Variants in TET1 observed in about 807,000 individuals in gnomAD.
TET1 encodes methylcytosine dioxygenase TET1.
TET1 carries 13 observed loss-of-function variants against 148.7 expected under a neutral mutation model. The observed-to-expected ratio is 0.09, with a 90% CI of 0.06 to 0.14. TET1 has a LOEUF of 0.14. TET1 is among the 10% of genes least tolerant of loss of function. The pLI, the probability that TET1 is intolerant of heterozygous loss-of-function variation, is 1.00. For synonymous variants in TET1, 907 were observed against 937.2 expected, an observed-to-expected ratio of 0.97 and a Z score of 0.59; for missense variants, 2,182 against 2,553.8, an observed-to-expected ratio of 0.85 and a Z score of 3.14.
At chr10:68,574,281 C>G (rs2053704214) in intron 2 of TET1, 29 bp downstream of exon 2, 2 of 1,572,528 alleles carry the variant, frequency 1.3e-6, no homozygotes, top group Non-Finnish European at 1.7e-6. Flanking sequence ...GGCTGGGAGA[C>G]AGCTGACACT....
At chr10:68,641,519 A>AT (rs1422685139) in intron 3 of TET1, among the ~76,000 whole-genome samples, 15 of 136,768 alleles carry the variant, frequency 1.1e-4, no homozygotes, top group East Asian at 2.2e-4. Flanking sequence ...TTATTTGTTT[A>AT]TTTTTTTTTA....
intron 6 of TET1, 41 bp downstream of exon 6, chr10:68,652,635 T>C: frequency 7.5e-7 from 1 of 1,334,682 alleles, no homozygotes; most frequent in South Asian, 1.2e-5. Context: ...AAGCTTGTTA[T>C]TCCAGAGCTG....
intron 10 of TET1, among the ~76,000 whole-genome samples, chr10:68,684,071 A>G (rs539452400): frequency 1.2e-4 from 18 of 152,208 alleles, no homozygotes; most frequent in African/African-American, 4.3e-4. Flanking sequence ...TAGGTTTGCC[A>G]GAGAATTCTA....
chr10:68,566,823 C>T (rs1164322177), intron 1 of TET1, among the ~76,000 whole-genome samples: 2 of 131,120 alleles, frequency 1.5e-5, no homozygotes, highest in Non-Finnish European at 3.3e-5. Context: ...CTCTCTCTCT[C>T]TTTTTTTTTT....
intron 2 of TET1, among the ~76,000 whole-genome samples, chr10:68,577,160 T>C (rs1334202490): frequency 6.6e-6 from 1 of 152,146 alleles, no homozygotes; most frequent in Non-Finnish European, 1.5e-5. Context: ...TCCACCCGCC[T>C]TGGCCTCCCA....
rs2055626107 is a variant in TET1 at position 68,694,100 on chromosome 10, T to C, written c.*2286T>C. 1 of 232,364 alleles carries C rather than the reference T, an allele frequency of 4.3e-6. No homozygotes were observed. The highest frequency in any genetic ancestry group is 2.2e-5 in the African/African-American group (1 of 45,336). 14.4% of individuals were successfully genotyped at this position (232,364 alleles called of 1,614,324 possible). A position where few individuals can be genotyped will look rare whatever the true frequency, so the allele number is the denominator to read the frequency against. ...TCAAATTGATCTCTCTCTCAATAGG[T>C]TTCTTAACAATCTAAACTTGAAACA... is the stretch of plus-strand genomic sequence containing the variant. On this transcript the variant is annotated 3_prime_UTR_variant, in exon 12 of 12. Transcript: ENST00000373644.
chr10:68,591,829 C>T (rs1330942601), intron 2 of TET1, among the ~76,000 whole-genome samples: 1 of 151,898 alleles, frequency 6.6e-6, no homozygotes, highest in Admixed American at 6.6e-5. Flanking sequence ...GGTGTGAACC[C>T]AAGAGGCAGA....
rs2055508497 is a variant in TET1 at position 68,686,339 on chromosome 10, G to A, written c.5053-17G>A. Reference sequence around the variant, plus strand: ...GACCCGTATATCTTTCCCATTTCATGTTTTTCTCCCTATCAGGTTTGTACC... The same window carrying A: ...GACCCGTATATCTTTCCCATTTCATATTTTTCTCCCTATCAGGTTTGTACC... On this transcript the variant is annotated splice_polypyrimidine_tract_variant and intron_variant, in intron 10 of 11. Coordinates refer to ENST00000373644, the MANE Select transcript of TET1 (RefSeq NM_030625.3). 6.4e-7 allele frequency: 1 copy of A among 1,565,204 alleles called. No homozygotes were observed. The highest frequency in any genetic ancestry group is 2.3e-5 in the East Asian group (1 of 44,292).
At chr10:68,670,637 T>C (rs1169656190) in intron 7 of TET1, among the ~76,000 whole-genome samples, 1 of 152,154 alleles carries the variant, frequency 6.6e-6, no homozygotes, top group Non-Finnish European at 1.5e-5. Flanking sequence ...TAAACAACAT[T>C]TTTCTCTCCT....
At chr10:68,566,675 G>A (rs1179753078) in intron 1 of TET1, among the ~76,000 whole-genome samples, 2 of 152,272 alleles carry the variant, frequency 1.3e-5, no homozygotes, top group Admixed American at 6.5e-5. Context: ...TAAATGTAGT[G>A]TGCTCTGGGA....
rs776385632 is a variant in TET1, at chr10:68,691,254, G to T, written c.5851G>T (p.Asp1951Tyr). 12 of 1,613,944 alleles carry T rather than the reference G, an allele frequency of 7.4e-6. No homozygotes were observed. Among genetic ancestry groups the T allele is most frequent in the Admixed American group, 1.7e-5 (1 of 59,988 alleles). ...HQPSFLTSPQ[D>Y]LASSPMEEDE... ...GCCCTCCTTCCTCACCTCTCCTCAA[G>T]ACCTTGCCTCTTCTCCAATGGAAGA... Residue 1951 changes from aspartate to tyrosine, a missense_variant, in exon 12 of 12, where the codon GAC (aspartate) becomes TAC (tyrosine). Physicochemically the swap from Asp to Tyr is radical, Grantham distance 160. Transcript: ENST00000373644. This position sits in a 1 kb window ranked among gnomAD's most constrained non-coding sequence, Gnocchi z 4.4.
intron 3 of TET1, among the ~76,000 whole-genome samples, chr10:68,616,330 T>A (rs2054289320): frequency 6.6e-6 from 1 of 150,836 alleles, no homozygotes; most frequent in South Asian, 2.1e-4. Flanking sequence ...AGAATTTCCC[T>A]CAAATTGAGT....
chr10:68,572,935 C>T lies in TET1; in HGVS notation c.597C>T (p.Ser199=), dbSNP rs376394956. The T allele has an allele frequency of 1.5e-5, 25 of 1,613,970 alleles. No homozygotes were observed. The African/African-American group carries it at 3.3e-4, about 22-fold the overall frequency. ...TQFWSQRVED[S]KINIPTHSGP... ...TTTGGTCCCAAAGAGTTGAGGATTC[C>T]AAGATCAATATCCCTACCCACAGTG... Residue 199 remains serine, a synonymous_variant, in exon 2 of 12, where the codon TCC becomes TCT. Transcript: ENST00000373644.
At chr10:68,579,932 CT>C (rs777355196) in intron 2 of TET1, among the ~76,000 whole-genome samples, 2,024 of 144,324 alleles carry the variant, frequency 0.014, 53 homozygotes, top group African/African-American at 0.044. Flanking sequence ...CTTCCTTCTT[CT>C]TTTTTTTTTT....
rs976646150 is a variant in TET1 at position 68,560,626 on chromosome 10, G to C, written c.-239G>C. On this transcript the variant is annotated 5_prime_UTR_variant, in exon 1 of 12. Transcript: ENST00000373644. ...CCCGCCCGCGCCCCTCGCGCCCGCC[G>C]GGGCCCCGGGCTCCAAAGTTGTGGG... 1 of 152,862 alleles carries C rather than the reference G, an allele frequency of 6.5e-6. No individual in the cohort carries two copies. Among genetic ancestry groups the C allele is most frequent in the East Asian group, 1.9e-4 (1 of 5,202 alleles). 9.5% of individuals were successfully genotyped at this position (152,862 alleles called of 1,614,324 possible). A position where few individuals can be genotyped will look rare whatever the true frequency, so the allele number is the denominator to read the frequency against.
intron 3 of TET1, among the ~76,000 whole-genome samples, chr10:68,613,996 A>G (rs1238091243): frequency 6.6e-6 from 1 of 152,022 alleles, no homozygotes; most frequent in Non-Finnish European, 1.5e-5. Flanking sequence ...TTTGAAGGTT[A>G]TTTGCTGATT....
rs1554930544 is a variant in TET1 at position 68,580,805 on chromosome 10, A to AAT, written c.1914+6570_1914+6571dup. On this transcript the variant is annotated intron_variant, in intron 2 of 11. Coordinates refer to ENST00000373644, the MANE Select transcript of TET1 (RefSeq NM_030625.3). Reference sequence around the variant, plus strand: ...CTCAAAAAAAAAAAAAAAAAAAAAAAATATATATATATATATATGGCGTGA... The same window carrying AAT: ...CTCAAAAAAAAAAAAAAAAAAAAAAAATATATATATATATATATATGGCGTGA... Among the ~76,000 whole-genome samples the AAT allele has an allele frequency of 8.4e-3, 792 of 94,108 alleles. 10 individuals carry two copies. The highest frequency in any genetic ancestry group is 0.013 in the East Asian group (41 of 3,210). The allele number at this position is 94,108 out of a possible 152,430, so 61.7% of individuals were successfully genotyped here.
At chr10:68,652,861 T>TC (rs1458296552) in intron 6 of TET1, among the ~76,000 whole-genome samples, 4 of 148,440 alleles carry the variant, frequency 2.7e-5, no homozygotes, top group Admixed American at 1.3e-4. Flanking sequence ...TTTTTTTTTT[T>TC]TTTTTTTTTA....
At chr10:68,686,221 C>A in intron 10 of TET1, 135 bp from the exon 11 acceptor site, 1 of 716,696 alleles carries the variant, frequency 1.4e-6, no homozygotes, top group African/African-American at 1.8e-5. Flanking sequence ...TAATAATATA[C>A]CATCAGCAAC....
Sources: allele counts gnomAD v4.1 joint callset (sites outside exome capture counted in the v4.1 genomes callset), GRCh38; gene constraint gnomAD v4.1.1; non-coding constraint Gnocchi (gnomAD v3.1); transcripts MANE v1.5; gene names NCBI Gene and HGNC (gene_info 2026-07-23, HGNC 2026-07-21).